Variants in GSTK1 observed in about 807,000 individuals in gnomAD.
GSTK1 encodes the protein GST class-kappa.
GSTK1 carries 25 observed loss-of-function variants against 30.9 expected under a neutral mutation model. The observed-to-expected ratio is 0.81, with a 90% confidence interval of 0.59 to 1.13. GSTK1 has a LOEUF of 1.13. Among genes scored for constraint, GSTK1 ranks in the 50% most tolerant of loss-of-function variants. The pLI is 0.00. For synonymous variants in GSTK1, 108 were observed against 112.5 expected (o/e 0.96, Z 0.25); for missense variants, 292 against 292.4 (o/e 1.00, Z 0.01).
chr7:143,268,795 G>T lies in GSTK1; in HGVS notation c.639G>T (p.Lys213Asn). 1 of 1,613,970 alleles carries T rather than the reference G, an allele frequency of 6.2e-7. No homozygotes were observed. Among genetic ancestry groups the T allele is most frequent in the Non-Finnish European group, 8.5e-7 (1 of 1,179,844 alleles). Residue 213 changes from lysine (K) to asparagine (N), a missense_variant, in exon 8 of 8, where the codon AAG becomes AAT. Transcript: ENST00000358406. The surrounding 1 kb of genome is among the most constrained non-coding windows in gnomAD (Gnocchi z 4.1). ...MELLAHLLGE[K>N]WMGPIPPAVN... ...GTTGTTTTCTTCATCCAGGAGAGAAGTGGATGGGCCCTATACCTCCAGCCG... is the reference window on the plus strand; with the variant it reads ...GTTGTTTTCTTCATCCAGGAGAGAATTGGATGGGCCCTATACCTCCAGCCG...
Position 143,263,573 on chromosome 7 carries a change from G to C in GSTK1, c.60G>C (p.Trp20Cys). The C allele has an allele frequency of 1.2e-6, 2 of 1,609,598 alleles. No homozygotes were observed. Among genetic ancestry groups the C allele is most frequent in the Non-Finnish European group, 1.7e-6 (2 of 1,179,990 alleles). The change falls in exon 1 of 8, where the codon TGG becomes TGC. Residue 20 changes from tryptophan to cysteine, a missense_variant. By Grantham distance (215) the Trp-to-Cys change is radical (BLOSUM62 -2). Coordinates refer to ENST00000358406, the MANE Select transcript of GSTK1 (RefSeq NM_015917.3). ...LFYDVLSPYS[W>C]LGFEILCRYQ... ...ATGACGTGCTGTCCCCCTACTCCTG[G>C]CTGGGCTTCGAGGTGACGCTGGGAG...
chr7:143,266,881 G>A (rs551925753), intron 5 of GSTK1, among the ~76,000 whole-genome samples: 1 of 151,846 alleles, frequency 6.6e-6, no homozygotes, highest in East Asian at 1.9e-4. Flanking sequence ...GGCTGGTCTC[G>A]AACTCCTGGG....
In GSTK1 at chr7:143,263,493, T is replaced by C; in HGVS notation, c.-21T>C. Reference sequence around the variant, plus strand: ...CGGGAAAAGGAGCTCCTGCTGCCACTGCTCTTCCGGAGCCTGCAGCATGGG... The same window carrying C: ...CGGGAAAAGGAGCTCCTGCTGCCACCGCTCTTCCGGAGCCTGCAGCATGGG... On this transcript the variant is annotated 5_prime_UTR_variant, in exon 1 of 8. Transcript: ENST00000358406. 6.2e-7 allele frequency: 1 copy of C among 1,606,892 alleles called. No homozygotes were observed. The highest frequency in any genetic ancestry group is 8.5e-7 in the Non-Finnish European group (1 of 1,178,576).
intron 4 of GSTK1, 76 bp downstream of exon 4, chr7:143,265,168 G>T: frequency 1.2e-6 from 2 of 1,610,798 alleles, no homozygotes; most frequent in South Asian, 2.2e-5. Context: ...CGTTTTCAGG[G>T]TCATGATCCT....
rs1043426972 is a variant in GSTK1, at chr7:143,268,097, G to A, written c.544G>A (p.Gly182Arg). The change falls in exon 7 of 8, where the codon GGG (glycine) becomes AGG (arginine). Residue 182 changes from glycine (G) to arginine (R), a missense_variant. Physicochemically the swap from Gly to Arg is moderately radical, Grantham distance 125. Coordinates refer to ENST00000358406, the MANE Select transcript of GSTK1 (RefSeq NM_015917.3). This position sits in a 1 kb window ranked among gnomAD's most constrained non-coding sequence, Gnocchi z 4.1. ...TTGTAACTGCTTTCTCCAGGCCTTT[G>A]GGCTGCCCATCACCGTGGCCCATGT... ...TEAACRYGAFGLPITVAHVDG... is the reference protein window; with the variant it reads ...TEAACRYGAFRLPITVAHVDG... The A allele has an allele frequency of 1.2e-6, 2 of 1,613,202 alleles. No individual in the cohort carries two copies. The highest frequency in any genetic ancestry group is 2.7e-5 in the African/African-American group (2 of 74,872).
chr7:143,264,845 A>G (rs574623675), intron 3 of GSTK1, 147 bp from the exon 4 acceptor site: 207 of 1,257,612 alleles, frequency 1.6e-4, no homozygotes, highest in Non-Finnish European at 2.2e-4. Context: ...ATGAAAGGGA[A>G]GAAGAGCAGG....
At chr7:143,266,056 G>A (rs61550363) in intron 5 of GSTK1, among the ~76,000 whole-genome samples, 1,779 of 122,524 alleles carry the variant, frequency 0.015, 35 homozygotes, top group African/African-American at 0.052. Flanking sequence ...TTTGAGACAC[G>A]GTCTGGCTCT....
intron 3 of GSTK1, 129 bp downstream of exon 3, chr7:143,264,805 C>T: frequency 2.9e-6 from 4 of 1,373,974 alleles, no homozygotes; most frequent in Non-Finnish European, 4.0e-6. Flanking sequence ...ACCTCAGGAT[C>T]AGCCTTGAGC....
chr7:143,264,577 A>G lies in GSTK1; in HGVS notation c.184A>G (p.Lys62Glu). The G allele has an allele frequency of 6.2e-7, 1 of 1,614,034 alleles. No individual in the cohort carries two copies. The highest frequency in any genetic ancestry group is 8.5e-7 in the Non-Finnish European group (1 of 1,179,916). The part of the protein sequence containing the change: ...GNKPPGLLPR[K>E]GLYMANDLKL... The stretch of plus-strand genomic sequence containing the variant: ...CAAGCCTCCAGGTCTGCTTCCCCGC[A>G]AAGGACTATACATGGCAAATGACTT... The change falls in exon 3 of 8, where the codon AAA becomes GAA. Residue 62 changes from lysine to glutamate, a missense_variant. Physicochemically the swap from Lys to Glu is moderately conservative, Grantham distance 56. Transcript: ENST00000358406.
chr7:143,265,441 C>A, intron 5 of GSTK1, 145 bp downstream of exon 5: 1 of 790,058 alleles, frequency 1.3e-6, no homozygotes, highest in Non-Finnish European at 2.0e-6. Flanking sequence ...ATTCAGGGCA[C>A]AAACTACTGA....
chr7:143,266,023 C>CTTTTTTTTTTTTTTTTTTTTTTT, intron 5 of GSTK1, among the ~76,000 whole-genome samples: 1 of 69,254 alleles, frequency 1.4e-5, no homozygotes, highest in Non-Finnish European at 2.6e-5. Flanking sequence ...ATTTTCCATG[C>CTTTTTTTTTTTTTTTTTTTTTTT]TTTTTTTTTT....
chr7:143,266,653 C>CTTTTTTTTTTTTT (rs35527374), intron 5 of GSTK1, among the ~76,000 whole-genome samples: 5 of 63,324 alleles, frequency 7.9e-5, no homozygotes, highest in East Asian at 3.7e-4. Flanking sequence ...TTCTTTCTTT[C>CTTTTTTTTTTTTT]TTTTTTTTTT....
Position 143,269,036 on chromosome 7 carries a change from T to C in GSTK1, c.*199T>C. 1.7e-6 allele frequency: 1 copy of C among 604,240 alleles called. No homozygotes were observed. Among genetic ancestry groups the C allele is most frequent in the Non-Finnish European group, 3.0e-6 (1 of 337,970 alleles). 37.4% of individuals were successfully genotyped at this position (604,240 alleles called of 1,614,324 possible). On this transcript the variant is annotated 3_prime_UTR_variant, in exon 8 of 8. Transcript: ENST00000358406. ...CCATTAGCCATGTGGCAACCTTTAC[T>C]TCTATGCCTCACAAGTGCCTTTCAG...
At position 143,264,668 on chromosome 7, in the gene GSTK1, T is replaced by C. The variant is rs1315997000; in HGVS notation, c.275T>C (p.Leu92Pro). The change falls in exon 3 of 8, where the codon CTT (leucine) becomes CCT (proline). Residue 92 changes from leucine (L) to proline (P), a missense_variant. Coordinates refer to ENST00000358406, the MANE Select transcript of GSTK1 (RefSeq NM_015917.3). ...HFPKDFLSVM[L>P]EKGSLSAMRF... The stretch of plus-strand genomic sequence containing the variant: ...CCCAAGGATTTCTTGTCTGTGATGC[T>C]TGAAAAAGGTGAAGAGAGTGGGATG... The C allele has an allele frequency of 1.2e-6, 2 of 1,613,960 alleles. No homozygotes were observed. The highest frequency in any genetic ancestry group is 2.2e-5 in the South Asian group (2 of 91,066).
At chr7:143,265,662 A>G (rs933904355) in intron 5 of GSTK1, among the ~76,000 whole-genome samples, 1 of 152,240 alleles carries the variant, frequency 6.6e-6, no homozygotes, top group African/African-American at 2.4e-5. Context: ...AGTGGAAGGC[A>G]GGAGACTTGT....
intron 3 of GSTK1, 90 bp from the exon 4 acceptor site, chr7:143,264,902 C>T: frequency 7.0e-7 from 1 of 1,420,478 alleles, no homozygotes; most frequent in Admixed American, 1.8e-5. Context: ...GGCGGAGGAG[C>T]TCTGGGGGAT....
intron 5 of GSTK1, among the ~76,000 whole-genome samples, chr7:143,266,119 C>T (rs1006446608): frequency 6.7e-6 from 1 of 148,954 alleles, no homozygotes; most frequent in Non-Finnish European, 1.5e-5. Context: ...TACCCTTTGC[C>T]TCCTGGACTC....
intron 6 of GSTK1, 126 bp from the exon 7 acceptor site, chr7:143,267,965 G>T: frequency 1.3e-6 from 1 of 748,250 alleles, no homozygotes; most frequent in Non-Finnish European, 2.3e-6. Flanking sequence ...AAGGCACCTG[G>T]GGCCACAGAG....
rs1338280980 is a variant in GSTK1, at chr7:143,268,790, G to C, written c.634G>C (p.Glu212Gln). Residue 212 changes from glutamate (E) to glutamine (Q), a missense_variant and splice_region_variant, in exon 8 of 8, where the codon GAG (glutamate) becomes CAG (glutamine). Physicochemically the swap from Glu to Gln is conservative, Grantham distance 29. Coordinates refer to ENST00000358406, the MANE Select transcript of GSTK1 (RefSeq NM_015917.3). This position sits in a 1 kb window ranked among gnomAD's most constrained non-coding sequence, Gnocchi z 4.1. The part of the protein sequence containing the change: ...RMELLAHLLG[E>Q]KWMGPIPPAV... Reference sequence around the variant, plus strand: ...AGTCTGTTGTTTTCTTCATCCAGGAGAGAAGTGGATGGGCCCTATACCTCC... The same window carrying C: ...AGTCTGTTGTTTTCTTCATCCAGGACAGAAGTGGATGGGCCCTATACCTCC... The C allele has an allele frequency of 6.2e-7, 1 of 1,613,928 alleles. No individual in the cohort carries two copies. The highest frequency in any genetic ancestry group is 8.5e-7 in the Non-Finnish European group (1 of 1,179,842).
Sources: gnomAD v4.1 joint callset for allele counts (sites outside exome capture counted in the v4.1 genomes callset) on GRCh38, gnomAD v4.1.1 for gene constraint, Gnocchi (gnomAD v3.1) non-coding constraint, MANE v1.5 for transcripts, NCBI Gene and HGNC (gene_info 2026-07-23, HGNC 2026-07-21) for gene names.